The following ADCY1 variants were observed in gnomAD, a reference collection of about 807,000 sequenced individuals.
The protein encoded by ADCY1 is adenylate cyclase type 1.
A neutral mutation model predicts 105.4 loss-of-function variants in ADCY1; 28 were observed. The ratio of observed to expected loss-of-function variants is 0.27; its 90% CI spans 0.20 to 0.36. ADCY1 has a LOEUF of 0.36. Among genes scored for constraint, ADCY1 ranks in the 10% least tolerant of loss-of-function variants. The probability of loss-of-function intolerance (pLI) is 1.00; values close to 1 mark genes in which losing one functional copy is unlikely to be tolerated. For synonymous variants in ADCY1, 655 were observed against 623.8 expected, an observed-to-expected ratio of 1.05 and a Z score of -0.75; for missense variants, 977 against 1,434.2, an observed-to-expected ratio of 0.68 and a Z score of 5.15.
At position 45,677,851 on chromosome 7, in the gene ADCY1, T is replaced by C; in HGVS notation, c.1606-18T>C. 1.2e-6 allele frequency: 2 copies of C among 1,609,034 alleles called. No individual in the cohort carries two copies. The highest frequency in any genetic ancestry group is 2.2e-5 in the South Asian group (2 of 90,454). ...TGGAGAATTTGATGATACTCCTTTA[T>C]TTCCATGATGGCTCCAGCGGAGGGC... On this transcript the variant is annotated intron_variant, in intron 8 of 19. Coordinates refer to ENST00000297323, the MANE Select transcript of ADCY1 (RefSeq NM_021116.4).
rs183539882 is a variant in ADCY1, at chr7:45,589,946, G to A, written c.640-2813G>A. ...TTCAGATATCCCAAGGGCAGGTAGT[G>A]ATGGTTCCCATTCTCGTGAGGACAG... On this transcript the variant is annotated intron_variant, in intron 1 of 19. Coordinates refer to ENST00000297323, the MANE Select transcript of ADCY1 (RefSeq NM_021116.4). Among the ~76,000 whole-genome samples, 441 of 152,252 alleles carry A rather than the reference G, an allele frequency of 2.9e-3. 3 individuals are homozygous for A. The highest frequency in any genetic ancestry group is 3.8e-3 in the Admixed American group (58 of 15,300).
At chr7:45,610,722 A>ATGTGT (rs1793517364) in intron 3 of ADCY1, among the ~76,000 whole-genome samples, 2 of 67,484 alleles carry the variant, frequency 3.0e-5, no homozygotes, top group Non-Finnish European at 6.0e-5. Flanking sequence ...GGAGGTGAGG[A>ATGTGT]GGGGATAGTG....
rs1645033266 is a variant in ADCY1 at position 45,703,309 on chromosome 7, G to GT, written c.2455-66dup. 12 of 1,462,716 alleles carry GT rather than the reference G, an allele frequency of 8.2e-6. No homozygotes were observed. Among genetic ancestry groups the GT allele is most frequent in the Non-Finnish European group, 1.1e-5 (12 of 1,044,090 alleles). 90.6% of individuals were successfully genotyped at this position (1,462,716 alleles called of 1,614,324 possible). ...GTCCAGTTTGGATGATTAGAAGGAA[G>GT]TGTGCGGTGGGAACAAGTGAAGGCA... is the stretch of plus-strand genomic sequence containing the variant. On this transcript the variant is annotated intron_variant, in intron 14 of 19. Transcript: ENST00000297323. The surrounding 1 kb of genome is among the most constrained non-coding windows in gnomAD (Gnocchi z 5.9).
intron 11 of ADCY1, among the ~76,000 whole-genome samples, chr7:45,681,554 G>T (rs1483946474): frequency 2.6e-5 from 4 of 152,242 alleles, no homozygotes; most frequent in Non-Finnish European, 5.9e-5. Context: ...GGAAGAAGCA[G>T]AGTGGAGACT....
At chr7:45,687,074 C>T (rs987950522) in intron 14 of ADCY1, among the ~76,000 whole-genome samples, 3 of 152,148 alleles carry the variant, frequency 2.0e-5, no homozygotes, top group Non-Finnish European at 4.4e-5. Flanking sequence ...CAAGAAAATG[C>T]CAAAACTCTC....
At chr7:45,666,527 T>C (rs982813481) in intron 8 of ADCY1, among the ~76,000 whole-genome samples, 2 of 152,268 alleles carry the variant, frequency 1.3e-5, no homozygotes, top group African/African-American at 2.4e-5. Flanking sequence ...CAGTCTGTCA[T>C]TGTTGGACAT....
intron 4 of ADCY1, among the ~76,000 whole-genome samples, chr7:45,629,263 A>T (rs1051919422): frequency 2.6e-5 from 4 of 152,186 alleles, no homozygotes; most frequent in African/African-American, 4.8e-5. Context: ...TTGAGATTCA[A>T]CCAACTTGTT....
intron 1 of ADCY1, among the ~76,000 whole-genome samples, chr7:45,581,198 A>C (rs1027299483): frequency 1.3e-5 from 2 of 152,158 alleles, no homozygotes; most frequent in African/African-American, 4.8e-5. Context: ...GAACAGATAC[A>C]TCCTCCAGTT....
chr7:45,589,346 T>G (rs1792835780), intron 1 of ADCY1, among the ~76,000 whole-genome samples: 1 of 151,902 alleles, frequency 6.6e-6, no homozygotes, highest in Admixed American at 6.5e-5. Flanking sequence ...CGGGGTTGGG[T>G]CTCCTGCTCC....
intron 1 of ADCY1, among the ~76,000 whole-genome samples, chr7:45,579,352 C>T (rs1374456395): frequency 2.0e-5 from 3 of 152,120 alleles, no homozygotes; most frequent in Non-Finnish European, 2.9e-5. Context: ...CCCTACCTCC[C>T]CTGCTGGCCC....
chr7:45,581,763 G>A (rs1433285802), intron 1 of ADCY1, among the ~76,000 whole-genome samples: 2 of 152,140 alleles, frequency 1.3e-5, no homozygotes, highest in African/African-American at 4.8e-5. Context: ...GAGCATATGA[G>A]TTATATCCAT....
At chr7:45,578,761 G>A (rs1792427594) in intron 1 of ADCY1, among the ~76,000 whole-genome samples, 1 of 152,218 alleles carries the variant, frequency 6.6e-6, no homozygotes, top group African/African-American at 2.4e-5. Flanking sequence ...GCACATGTGT[G>A]CAAGAGGAAG....
chr7:45,593,578 G>A (rs1349619047), intron 2 of ADCY1, among the ~76,000 whole-genome samples: 5 of 152,208 alleles, frequency 3.3e-5, no homozygotes, highest in African/African-American at 4.8e-5. Context: ...GCTTAGGAAG[G>A]ACCATCTGGG....
chr7:45,647,579 T>C lies in ADCY1; in HGVS notation c.1021-1091T>C, dbSNP rs566505714. ...ATCCAGCACTGTGCTTGTGTGAGGC[T>C]GGTTCCTTCACGGGCATCTGCAGAG... On this transcript the variant is annotated intron_variant, in intron 4 of 19. Coordinates refer to ENST00000297323, the MANE Select transcript of ADCY1 (RefSeq NM_021116.4). The surrounding 1 kb of genome is among the most constrained non-coding windows in gnomAD (Gnocchi z 4.6). 6.6e-6 allele frequency among the ~76,000 whole-genome samples: 1 copy of C among 152,314 alleles called. No homozygotes were observed. Among genetic ancestry groups the C allele is most frequent in the African/African-American group, 2.4e-5 (1 of 41,566 alleles).
intron 8 of ADCY1, among the ~76,000 whole-genome samples, chr7:45,674,944 T>C (rs181149082): frequency 1.1e-4 from 16 of 152,360 alleles, no homozygotes; most frequent in Non-Finnish European, 1.9e-4. Flanking sequence ...TATTTTGAAG[T>C]AAGTTTCTTT....
intron 2 of ADCY1, among the ~76,000 whole-genome samples, chr7:45,606,305 C>T (rs2877351): frequency 0.021 from 3,126 of 152,210 alleles, 96 homozygotes; most frequent in African/African-American, 0.062. Context: ...GGCCTCTCTA[C>T]TTGGCCTTTG....
intron 3 of ADCY1, among the ~76,000 whole-genome samples, chr7:45,613,608 A>G (rs1374440028): frequency 1.3e-5 from 2 of 152,158 alleles, no homozygotes; most frequent in African/African-American, 2.4e-5. Context: ...ATGAATATGT[A>G]TACACACAAT....
rs778441100 is a variant in ADCY1, at chr7:45,575,086, C to T, written c.543C>T (p.Ser181=). The T allele has an allele frequency of 6.2e-7, 1 of 1,612,834 alleles. No individual in the cohort carries two copies. The highest frequency in any genetic ancestry group is 8.5e-7 in the Non-Finnish European group (1 of 1,179,940). Residue 181 remains serine, a synonymous_variant, in exon 1 of 20, where the codon AGC becomes AGT. Coordinates refer to ENST00000297323, the MANE Select transcript of ADCY1 (RefSeq NM_021116.4). The surrounding 1 kb of genome is among the most constrained non-coding windows in gnomAD (Gnocchi z 4.7). ...CCTATGCCTTGCTGCCCGTGCGCAG[C>T]CTGCTGGCCATAGGCTTTGGGCTCG... ...FVSYALLPVR[S]LLAIGFGLVV...
chr7:45,669,515 TC>T (rs1296302223), intron 8 of ADCY1, among the ~76,000 whole-genome samples: 2 of 152,214 alleles, frequency 1.3e-5, no homozygotes, highest in African/African-American at 4.8e-5. Flanking sequence ...TAATTTCAGT[TC>T]TTTTACATTT....
Sources: gnomAD v4.1 joint callset for allele counts (sites outside exome capture counted in the v4.1 genomes callset) on GRCh38, gnomAD v4.1.1 for gene constraint, Gnocchi (gnomAD v3.1) non-coding constraint, MANE v1.5 for transcripts, NCBI Gene and HGNC (gene_info 2026-07-23, HGNC 2026-07-21) for gene names.